NAP1L1: variants seen among roughly 807,000 people sequenced by gnomAD.
NAP1L1 encodes the protein nucleosome assembly protein 1 like 1.
Under a neutral mutation model 58.9 loss-of-function variants are expected in NAP1L1, and 9 were observed. The observed-to-expected ratio is 0.15, with a 90% CI of 0.09 to 0.27. The LOEUF is 0.27. Among genes scored for constraint, NAP1L1 ranks in the 10% least tolerant of loss-of-function variants. The pLI is 1.00. For missense variants in NAP1L1, 302 were observed against 458.8 expected, an observed-to-expected ratio of 0.66 and a Z score of 3.12; for synonymous variants, 130 against 138.3, an observed-to-expected ratio of 0.94 and a Z score of 0.42.
intron 2 of NAP1L1, among the ~76,000 whole-genome samples, chr12:76,070,062 T>C (rs1949876337): frequency 6.6e-6 from 1 of 151,918 alleles, no homozygotes; most frequent in South Asian, 2.1e-4. Flanking sequence ...CAGAAAAAAA[T>C]CAACTGTACT....
chr12:76,053,744 T>C (rs768459210), intron 9 of NAP1L1, 26 bp downstream of exon 9: 6 of 1,596,138 alleles, frequency 3.8e-6, no homozygotes, highest in Non-Finnish European at 5.1e-6. Context: ...AAAAACATTT[T>C]GTTAAGGTAG....
rs188117493 is a variant in NAP1L1, at chr12:76,040,459, T to C, written c.*7970A>G. The C allele has an allele frequency of 6.6e-6, 1 of 152,152 alleles. No homozygotes were observed. The highest frequency in any genetic ancestry group is 1.9e-4 in the East Asian group (1 of 5,184). The allele number at this position is 152,152 out of a possible 1,614,324, so 9.4% of individuals were successfully genotyped here. On this transcript the variant is annotated 3_prime_UTR_variant, in exon 15 of 15. Coordinates refer to ENST00000618691, the MANE Select transcript of NAP1L1 (RefSeq NM_004537.7). ...CAGCTATTCATGAAGGCAGTGAGGA[T>C]TGAGACTGTTATAATCCAGTTCCAC...
At chr12:76,057,722 C>T in intron 6 of NAP1L1, 1 of 1,545,594 alleles carries the variant, frequency 6.5e-7, no homozygotes, top group Non-Finnish European at 8.7e-7. Context: ...AAGAATTTTC[C>T]AAATGAATAT....
chr12:76,046,903 T>C lies in NAP1L1; in HGVS notation c.*1526A>G, dbSNP rs1373624257. The stretch of plus-strand genomic sequence containing the variant: ...TCCACTTTAAGTCTCATGACTACAA[T>C]ACTATAGTGCTATCCCTGTAGTATT... On this transcript the variant is annotated 3_prime_UTR_variant, in exon 15 of 15. Transcript: ENST00000618691. The C allele has an allele frequency of 6.6e-6, 1 of 152,494 alleles. No individual in the cohort carries two copies. Among genetic ancestry groups the C allele is most frequent in the Non-Finnish European group, 1.5e-5 (1 of 67,936 alleles). The allele number at this position is 152,494 out of a possible 1,614,324, so 9.4% of individuals were successfully genotyped here.
At chr12:76,053,067 T>C in intron 11 of NAP1L1, 24 bp downstream of exon 11, 2 of 1,583,672 alleles carry the variant, frequency 1.3e-6, no homozygotes, top group Non-Finnish European at 1.7e-6. Flanking sequence ...AACAATTCAA[T>C]AAATATATAA....
chr12:76,054,416 T>A (rs747086732), intron 8 of NAP1L1, among the ~76,000 whole-genome samples: 1 of 152,206 alleles, frequency 6.6e-6, no homozygotes, highest in Non-Finnish European at 1.5e-5. Flanking sequence ...AATAATGAGG[T>A]ACAAATTGAA....
Position 76,059,495 on chromosome 12 carries a change from T to C in NAP1L1, c.429+303A>G, listed in dbSNP as rs1592643500. ...CAGTTTTAATGCTCCATCAGATGAA[T>C]TCGAACTTTAAGTCAGGTGCTGCAA... On this transcript the variant is annotated intron_variant, in intron 6 of 14. Transcript: ENST00000618691. 5 of 291,914 alleles carry C rather than the reference T, an allele frequency of 1.7e-5. No individual in the cohort carries two copies. The East Asian group carries it at 4.3e-4, about 25-fold the overall frequency. The allele number at this position is 291,914 out of a possible 1,614,324, so 18.1% of individuals were successfully genotyped here. A position where few individuals can be genotyped will look rare whatever the true frequency, so the allele number is the denominator to read the frequency against.
rs764758262 is a variant in NAP1L1, at chr12:76,049,234, CCTT to C, written c.1103_1105del (p.Glu368del). ...ATAGTCTGGATCATTTTCCTCATCT[CCTT>C]CTTCTTCCCCTTCCTATATTAAAGT... On this transcript the variant is annotated inframe_deletion, in exon 14 of 15. Transcript: ENST00000618691. The C allele has an allele frequency of 8.1e-6, 13 of 1,613,450 alleles. No homozygotes were observed. Among genetic ancestry groups the C allele is most frequent in the East Asian group, 4.5e-5 (2 of 44,852 alleles).
At chr12:76,057,247 G>T in intron 6 of NAP1L1, 1 of 273,972 alleles carries the variant, frequency 3.7e-6, no homozygotes, top group Non-Finnish European at 7.1e-6. Context: ...CCAAGATCAT[G>T]CCAGTGTACT....
At position 76,043,477 on chromosome 12, in the gene NAP1L1, GAA is replaced by G. The variant is rs35898958; in HGVS notation, c.*4950_*4951del. ...GCAAATGAAGTAAGACCCTGTCTCA[GAA>G]AAAAAAAAAAAAAAAAAAATTTCTA... On this transcript the variant is annotated 3_prime_UTR_variant, in exon 15 of 15. Coordinates refer to ENST00000618691, the MANE Select transcript of NAP1L1 (RefSeq NM_004537.7). The G allele has an allele frequency of 7.4e-5, 9 of 121,206 alleles. No individual in the cohort carries two copies. The highest frequency in any genetic ancestry group is 6.6e-5 in the Non-Finnish European group (4 of 60,322). 7.5% of individuals were successfully genotyped at this position (121,206 alleles called of 1,614,324 possible). A position where few individuals can be genotyped will look rare whatever the true frequency, so the allele number is the denominator to read the frequency against.
At position 76,046,767 on chromosome 12, in the gene NAP1L1, C is replaced by A. The variant is rs1948616963; in HGVS notation, c.*1662G>T. ...ATGACAATCCAATAATCCACCCTCA[C>A]TGTCAAAAAAAAGTTCAACCCCAAA... On this transcript the variant is annotated 3_prime_UTR_variant, in exon 15 of 15. Transcript: ENST00000618691. The A allele has an allele frequency of 6.6e-6, 1 of 152,448 alleles. No homozygotes were observed. The highest frequency in any genetic ancestry group is 6.6e-5 in the Admixed American group (1 of 15,260). The allele number at this position is 152,448 out of a possible 1,614,324, so 9.4% of individuals were successfully genotyped here.
intron 4 of NAP1L1, among the ~76,000 whole-genome samples, chr12:76,060,496 A>C (rs1949359038): frequency 6.6e-6 from 1 of 152,254 alleles, no homozygotes; most frequent in Non-Finnish European, 1.5e-5. Context: ...ATTGATAAAC[A>C]AAATGTAAAT....
chr12:76,071,598 G>C (rs1949956440), intron 2 of NAP1L1, among the ~76,000 whole-genome samples: 1 of 152,138 alleles, frequency 6.6e-6, no homozygotes, highest in African/African-American at 2.4e-5. Flanking sequence ...TAGCAGTGGG[G>C]AAAGCTGAGA....
intron 1 of NAP1L1, among the ~76,000 whole-genome samples, chr12:76,082,601 C>G (rs1402403733): frequency 6.6e-6 from 1 of 152,126 alleles, no homozygotes; most frequent in Non-Finnish European, 1.5e-5. Context: ...GTCCACCTAC[C>G]AGGGTTTAGT....
intron 2 of NAP1L1, among the ~76,000 whole-genome samples, chr12:76,070,171 G>A (rs1303274205): frequency 2.0e-5 from 3 of 151,674 alleles, no homozygotes; most frequent in Non-Finnish European, 4.4e-5. Context: ...CAGGCTGCCT[G>A]GAGTGCAATG....
At position 76,053,878 on chromosome 12, in the gene NAP1L1, T is replaced by C. The variant is rs564692682; in HGVS notation, c.662A>G (p.Asn221Ser). 9.4e-6 allele frequency: 15 copies of C among 1,595,156 alleles called. No individual in the cohort carries two copies. Among genetic ancestry groups the C allele is most frequent in the Admixed American group, 1.9e-5 (1 of 53,714 alleles). ...CAGCACTTCATTTGTAAAATATTCATTGGGTTCAAAGTGAAATTCTAAGAC... is the reference window on the plus strand; with the variant it reads ...CAGCACTTCATTTGTAAAATATTCACTGGGTTCAAAGTGAAATTCTAAGAC... The part of the protein sequence containing the change: ...SFVLEFHFEP[N>S]EYFTNEVLTK... The change falls in exon 9 of 15, where the codon AAT becomes AGT. Residue 221 changes from asparagine to serine, a missense_variant. Transcript: ENST00000618691.
chr12:76,054,612 C>A (rs1948992229), intron 8 of NAP1L1, among the ~76,000 whole-genome samples: 1 of 152,178 alleles, frequency 6.6e-6, no homozygotes, highest in African/African-American at 2.4e-5. Flanking sequence ...TAAGCATCTA[C>A]AGCCTATATT....
rs1306493215 is a variant in NAP1L1 at position 76,042,091 on chromosome 12, C to T, written c.*6338G>A. On this transcript the variant is annotated 3_prime_UTR_variant, in exon 15 of 15. Coordinates refer to ENST00000618691, the MANE Select transcript of NAP1L1 (RefSeq NM_004537.7). ...TTTTTTACACATAAAATCTTCAAAA[C>T]GAGGCATATGTTTAATTTTATTATC... is the stretch of plus-strand genomic sequence containing the variant. The T allele has an allele frequency of 6.6e-6, 1 of 151,838 alleles. No individual in the cohort carries two copies. The highest frequency in any genetic ancestry group is 2.1e-4 in the South Asian group (1 of 4,812). The allele number at this position is 151,838 out of a possible 1,614,324, so 9.4% of individuals were successfully genotyped here.
At chr12:76,067,873 T>C (rs748227800) in intron 3 of NAP1L1, among the ~76,000 whole-genome samples, 3 of 152,210 alleles carry the variant, frequency 2.0e-5, no homozygotes, top group Non-Finnish European at 4.4e-5. Context: ...CTGACAGTTT[T>C]AGGCCCAGGA....
Sources: gnomAD v4.1 joint callset for allele counts (sites outside exome capture counted in the v4.1 genomes callset) on GRCh38, gnomAD v4.1.1 for gene constraint, MANE v1.5 for transcripts, NCBI Gene and HGNC (gene_info 2026-07-23, HGNC 2026-07-21) for gene names.